TXNRD1: variants seen among roughly 807,000 people sequenced by gnomAD.
TXNRD1 encodes thioredoxin reductase 1.
Under a neutral mutation model 80.3 loss-of-function variants are expected in TXNRD1, and 57 were observed. The observed-to-expected ratio is 0.71, with a 90% CI of 0.57 to 0.89. The LOEUF is 0.89. Ranked by LOEUF, TXNRD1 falls within the 40% of genes least tolerant of loss-of-function variation. The pLI, the probability that TXNRD1 is intolerant of heterozygous loss-of-function variation, is 0.00. For missense variants in TXNRD1, 730 were observed against 803.0 expected (o/e 0.91, Z 1.10); for synonymous variants, 291 against 285.2 (o/e 1.02, Z -0.20).
chr12:104,253,160 T>G (rs2033166205), intron 2 of TXNRD1, among the ~76,000 whole-genome samples: 2 of 152,116 alleles, frequency 1.3e-5, no homozygotes, highest in Admixed American at 6.6e-5. Flanking sequence ...TCTGTTTCTC[T>G]CTCTCGTTCT....
intron 4 of TXNRD1, chr12:104,309,696 C>G: frequency 7.8e-7 from 1 of 1,283,950 alleles, no homozygotes; most frequent in Non-Finnish European, 1.1e-6. Flanking sequence ...ACACTAGTTA[C>G]TTGAAGCATA....
chr12:104,266,649 G>A (rs2033494892), intron 3 of TXNRD1, among the ~76,000 whole-genome samples: 1 of 151,746 alleles, frequency 6.6e-6, no homozygotes, highest in Non-Finnish European at 1.5e-5. Context: ...TGGCTAACAC[G>A]GTGAAACCCT....
chr12:104,249,745 C>T (rs569615949), intron 1 of TXNRD1, among the ~76,000 whole-genome samples: 1 of 151,932 alleles, frequency 6.6e-6, no homozygotes, highest in East Asian at 1.9e-4. Flanking sequence ...ACCATCCTGG[C>T]TAACATGGTG....
chr12:104,290,714 A>AATACACAT (rs2034154706), intron 4 of TXNRD1, among the ~76,000 whole-genome samples: 1 of 49,154 alleles, frequency 2.0e-5, no homozygotes, highest in Non-Finnish European at 4.5e-5. Context: ...AAAAAAAAGA[A>AATACACAT]ATATACATAT....
intron 3 of TXNRD1, among the ~76,000 whole-genome samples, chr12:104,267,693 CTTTCTTTCTCTCTTTCTTTCTT>C (rs2033549907): frequency 3.9e-5 from 1 of 25,892 alleles, no homozygotes; most frequent in Non-Finnish European, 9.3e-5. Context: ...TTCTTTCTTT[CTTTCTTTCTCTCTTTCTTTCTT>C]TCTTTCTCTT....
At chr12:104,326,460 A>ATTTTTTTTTTTTTTTTTTTTTTTTTT in intron 12 of TXNRD1, 37 bp downstream of exon 12, 1 of 539,390 alleles carries the variant, frequency 1.9e-6, no homozygotes, top group Non-Finnish European at 2.7e-6. Flanking sequence ...TATTTGTGGG[A>ATTTTTTTTTTTTTTTTTTTTTTTTTT]TTTTTTTTTT....
At chr12:104,221,533 G>A (rs2032359258) in intron 1 of TXNRD1, among the ~76,000 whole-genome samples, 1 of 152,046 alleles carries the variant, frequency 6.6e-6, no homozygotes, top group African/African-American at 2.4e-5. Context: ...GGTCAGGTTG[G>A]TCTCCAACTC....
intron 3 of TXNRD1, among the ~76,000 whole-genome samples, chr12:104,274,971 G>A (rs1396443110): frequency 2.0e-5 from 3 of 152,118 alleles, no homozygotes; most frequent in African/African-American, 7.2e-5. Flanking sequence ...GCGACCAAAA[G>A]CAAATGGATT....
chr12:104,262,451 A>G (rs2033387900), intron 3 of TXNRD1: 1 of 152,164 alleles, frequency 6.6e-6, no homozygotes, highest in African/African-American at 2.4e-5. Flanking sequence ...GGAACTGCTG[A>G]TGCAGTCTTC....
intron 4 of TXNRD1, among the ~76,000 whole-genome samples, chr12:104,296,840 C>A (rs2034451909): frequency 6.6e-6 from 1 of 152,178 alleles, no homozygotes; most frequent in Non-Finnish European, 1.5e-5. Flanking sequence ...TGTATGACAG[C>A]AACATTGTCT....
Position 104,321,120 on chromosome 12 carries a change from CGGGT to C in TXNRD1, c.1020_1023del (p.Gly341ArgfsTer23). On this transcript the variant is annotated frameshift_variant, in exon 10 of 17. Coordinates refer to ENST00000525566, the MANE Select transcript of TXNRD1 (RefSeq NM_001093771.3). LOFTEE classifies it high-confidence loss of function. Reference sequence around the variant, plus strand: ...GATCTTTTCTCCTTGCCTTACTGCCCGGGTAAGACCCTGGTTGTTGGAGCATCCT... The same window carrying C: ...GATCTTTTCTCCTTGCCTTACTGCCCAAGACCCTGGTTGTTGGAGCATCCT... 1 of 1,612,228 alleles carries C rather than the reference CGGGT, an allele frequency of 6.2e-7. No individual in the cohort carries two copies. Among genetic ancestry groups the C allele is most frequent in the Non-Finnish European group, 8.5e-7 (1 of 1,179,596 alleles).
chr12:104,263,241 G>C (rs7137723), intron 3 of TXNRD1, among the ~76,000 whole-genome samples: 8 of 152,208 alleles, frequency 5.3e-5, no homozygotes, highest in African/African-American at 1.4e-4. Context: ...ACCTTCTTAT[G>C]ATGAGGAAAT....
At chr12:104,292,246 T>G (rs2034245834) in intron 4 of TXNRD1, among the ~76,000 whole-genome samples, 1 of 152,198 alleles carries the variant, frequency 6.6e-6, no homozygotes, top group Admixed American at 6.5e-5. Flanking sequence ...ATGAAAGCTT[T>G]GCAGAAGAGT....
chr12:104,253,793 A>G (rs2033182840), intron 2 of TXNRD1, among the ~76,000 whole-genome samples: 1 of 151,950 alleles, frequency 6.6e-6, no homozygotes, highest in Non-Finnish European at 1.5e-5. Context: ...TCCTGGTTCA[A>G]GTGATTCTCC....
Position 104,300,362 on chromosome 12 carries a change from C to G in TXNRD1, c.415-10928C>G, listed in dbSNP as rs148313552. Among the ~76,000 whole-genome samples, 38 of 152,344 alleles carry G rather than the reference C, an allele frequency of 2.5e-4. 1 individual carries two copies. The East Asian group carries it at 5.0e-3, about 20-fold the overall frequency. ...GGGAGCTAAATTATCTCTGAGGCAA[C>G]TCAGTCTCATGGTTGCCTGAACTAG... On this transcript the variant is annotated intron_variant, in intron 4 of 16. Coordinates refer to ENST00000525566, the MANE Select transcript of TXNRD1 (RefSeq NM_001093771.3).
chr12:104,242,346 G>A (rs1198759138), intron 1 of TXNRD1, among the ~76,000 whole-genome samples: 4 of 151,716 alleles, frequency 2.6e-5, no homozygotes, highest in African/African-American at 7.2e-5. Context: ...TCAGGAGTTC[G>A]AGACCAGCCT....
chr12:104,234,608 T>C lies in TXNRD1; in HGVS notation c.92-16919T>C, dbSNP rs988675496. Among the ~76,000 whole-genome samples the C allele has an allele frequency of 2.7e-5, 4 of 147,458 alleles. No individual in the cohort carries two copies. The Admixed American group carries it at 2.8e-4, about 10-fold the overall frequency. On this transcript the variant is annotated intron_variant, in intron 1 of 16. Coordinates refer to ENST00000525566, the MANE Select transcript of TXNRD1 (RefSeq NM_001093771.3). ...CGTGCCTGGCCAAAAAGCAACTAATTTTTTAAAAAATAAACATTTTAAAGT... is the reference window on the plus strand; with the variant it reads ...CGTGCCTGGCCAAAAAGCAACTAATCTTTTAAAAAATAAACATTTTAAAGT...
chr12:104,263,194 TC>T (rs1191059907), intron 3 of TXNRD1, among the ~76,000 whole-genome samples: 1 of 152,146 alleles, frequency 6.6e-6, no homozygotes, highest in Non-Finnish European at 1.5e-5. Flanking sequence ...TCCTATTTAA[TC>T]TTCAGAATAC....
At chr12:104,312,274 G>A (rs1477040934) in intron 5 of TXNRD1, among the ~76,000 whole-genome samples, 1 of 152,188 alleles carries the variant, frequency 6.6e-6, no homozygotes, top group East Asian at 1.9e-4. Context: ...TGATTGGGAA[G>A]AGGATGTATA....
Sources: gnomAD v4.1 joint callset for allele counts (sites outside exome capture counted in the v4.1 genomes callset) on GRCh38, gnomAD v4.1.1 for gene constraint, MANE v1.5 for transcripts, NCBI Gene and HGNC (gene_info 2026-07-23, HGNC 2026-07-21) for gene names.